Variants in ELF2 observed in about 807,000 individuals in gnomAD.
ELF2 encodes the protein E74 like ETS transcription factor 2.
In ELF2, 11 loss-of-function variants were observed where a neutral mutation model predicts 54.8. The ratio of observed to expected loss-of-function variants is 0.20; its 90% CI spans 0.13 to 0.33. The LOEUF is 0.33. ELF2 is among the 10% of genes least tolerant of loss of function. ELF2 has a pLI of 1.00. For missense variants in ELF2, 513 were observed against 703.0 expected, an observed-to-expected ratio of 0.73 and a Z score of 3.06; for synonymous variants, 203 against 245.1, an observed-to-expected ratio of 0.83 and a Z score of 1.61.
At position 139,151,905 on chromosome 4, in the gene ELF2, C is replaced by T. The variant is rs548041601; in HGVS notation, c.-251-12408G>A. On this transcript the variant is annotated intron_variant, in intron 1 of 9. Coordinates refer to ENST00000686138, the MANE Select transcript of ELF2 (RefSeq NM_001331036.3). ...ATTTAACTGCTTCTTAATACAAGTC[C>T]TAATTTGTGAGCAAGCTGTATCAGC... Among the ~76,000 whole-genome samples the T allele has an allele frequency of 2.5e-4, 38 of 152,236 alleles. No individual in the cohort carries two copies. In the South Asian group the frequency reaches 7.9e-3, roughly 32 times the overall value.
At chr4:139,163,545 G>C (rs1231565324) in intron 1 of ELF2, among the ~76,000 whole-genome samples, 2 of 152,170 alleles carry the variant, frequency 1.3e-5, no homozygotes, top group Non-Finnish European at 2.9e-5. Flanking sequence ...ATAGGACAAA[G>C]CTAAAGGACC....
chr4:139,156,041 C>T (rs192505383), intron 1 of ELF2, among the ~76,000 whole-genome samples: 38 of 152,338 alleles, frequency 2.5e-4, no homozygotes, highest in African/African-American at 8.9e-4. Context: ...ACTTGCCAAT[C>T]ATAAAAATAA....
At chr4:139,156,269 G>A (rs1161608374) in intron 1 of ELF2, among the ~76,000 whole-genome samples, 9 of 152,198 alleles carry the variant, frequency 5.9e-5, no homozygotes, top group African/African-American at 2.2e-4. Context: ...TCCGCCTCCC[G>A]GGTTCACGCC....
chr4:139,103,855 CAA>C (rs1445205042), intron 4 of ELF2, among the ~76,000 whole-genome samples: 8 of 152,162 alleles, frequency 5.3e-5, no homozygotes, highest in Non-Finnish European at 7.3e-5. Context: ...CATAGTGAGA[CAA>C]AGAGTTTGCT....
intron 3 of ELF2, among the ~76,000 whole-genome samples, chr4:139,136,275 G>A (rs965528276): frequency 6.6e-6 from 1 of 152,130 alleles, no homozygotes; most frequent in African/African-American, 2.4e-5. Flanking sequence ...CTTTGTACCT[G>A]TTTTGGATTT....
chr4:139,161,003 T>C (rs1741078967), intron 1 of ELF2, among the ~76,000 whole-genome samples: 1 of 152,128 alleles, frequency 6.6e-6, no homozygotes. Flanking sequence ...CTAAAATGAA[T>C]GCAGTAAGAT....
In ELF2 at chr4:139,125,212, G is replaced by T. The variant is rs1301195349; in HGVS notation, c.190C>A (p.Gln64Lys). 6.2e-7 allele frequency: 1 copy of T among 1,613,128 alleles called. No individual in the cohort carries two copies. Among genetic ancestry groups the T allele is most frequent in the East Asian group, 2.2e-5 (1 of 44,826 alleles). ...LVYDDETYMM[Q>K]DVAEEQEVET... ...ACTTCTTGTTCTTCTGCCACATCTT[G>T]CATCATATAAGTCTCATCATCATAA... The change falls in exon 4 of 10, where the codon CAA (glutamine) becomes AAA (lysine). Residue 64 changes from glutamine to lysine, a missense_variant. By Grantham distance (53) the Gln-to-Lys change is moderately conservative. Transcript: ENST00000686138.
chr4:139,129,842 AC>A (rs1269595496), intron 3 of ELF2, among the ~76,000 whole-genome samples: 2 of 151,942 alleles, frequency 1.3e-5, no homozygotes, highest in African/African-American at 4.8e-5. Context: ...AGCATTAATG[AC>A]TCCCCTTTGG....
intron 1 of ELF2, among the ~76,000 whole-genome samples, chr4:139,175,922 T>G (rs756716986): frequency 6.6e-6 from 1 of 152,224 alleles, no homozygotes; most frequent in Non-Finnish European, 1.5e-5. Flanking sequence ...GGAAAAAGAT[T>G]AGAAACTGTG....
chr4:139,116,308 A>C (rs1164464232), intron 4 of ELF2, among the ~76,000 whole-genome samples: 1 of 152,102 alleles, frequency 6.6e-6, no homozygotes, highest in Non-Finnish European at 1.5e-5. Flanking sequence ...GGAAAAAAAC[A>C]CTTATTAAAA....
At chr4:139,146,859 T>G (rs2148876241) in intron 1 of ELF2, among the ~76,000 whole-genome samples, 1 of 152,288 alleles carries the variant, frequency 6.6e-6, no homozygotes, top group Non-Finnish European at 1.5e-5. Flanking sequence ...GTCTCTCATC[T>G]TATACAAACA....
At position 139,112,094 on chromosome 4, in the gene ELF2, C is replaced by T. The variant is rs146651714; in HGVS notation, c.238+13070G>A. On this transcript the variant is annotated intron_variant, in intron 4 of 9. Coordinates refer to ENST00000686138, the MANE Select transcript of ELF2 (RefSeq NM_001331036.3). ...AGAAACAGATACAAAGCTTTAAAAG[C>T]CCTCAGCAATAAGATTTTTTTCTAT... is the stretch of plus-strand genomic sequence containing the variant. Among the ~76,000 whole-genome samples, 369 of 152,264 alleles carry T rather than the reference C, an allele frequency of 2.4e-3. 1 individual carries two copies. The highest frequency in any genetic ancestry group is 8.4e-3 in the African/African-American group (349 of 41,548).
At chr4:139,059,678 G>A (rs1386777470) in intron 9 of ELF2, 71 bp from the exon 10 acceptor site, 10 of 1,518,842 alleles carry the variant, frequency 6.6e-6, no homozygotes, top group Middle Eastern at 1.8e-4. Flanking sequence ...CTGAGTAAAA[G>A]ATTAATACAA....
rs541841414 is a variant in ELF2, at chr4:139,098,120, A to G, written c.239-24553T>C. ...TTTAAGTTTCTATTAGGTTAGGTACAATGTCCTATATATCTCCAATTTACG... is the reference window on the plus strand; with the variant it reads ...TTTAAGTTTCTATTAGGTTAGGTACGATGTCCTATATATCTCCAATTTACG... On this transcript the variant is annotated intron_variant, in intron 4 of 9. Transcript: ENST00000686138. Among the ~76,000 whole-genome samples the G allele has an allele frequency of 3.3e-5, 5 of 152,368 alleles. No homozygotes were observed. The East Asian group carries it at 9.6e-4, about 29-fold the overall frequency.
At chr4:139,155,540 T>C (rs776726429) in intron 1 of ELF2, 1 of 152,050 alleles carries the variant, frequency 6.6e-6, no homozygotes. Context: ...AGTCCAGGAG[T>C]TCGAGACTAA....
At chr4:139,100,953 T>C (rs1005109647) in intron 4 of ELF2, among the ~76,000 whole-genome samples, 3 of 152,174 alleles carry the variant, frequency 2.0e-5, no homozygotes, top group African/African-American at 7.2e-5. Flanking sequence ...CAGAGTGAAC[T>C]AGCCTAGTAG....
intron 4 of ELF2, among the ~76,000 whole-genome samples, chr4:139,096,250 T>G (rs147843844): frequency 0.011 from 1,750 of 152,354 alleles, 36 homozygotes; most frequent in African/African-American, 0.04. Context: ...TTCCCTCTTT[T>G]ACTATTCTTT....
At chr4:139,171,450 C>A (rs1276418904) in intron 1 of ELF2, among the ~76,000 whole-genome samples, 1 of 151,922 alleles carries the variant, frequency 6.6e-6, no homozygotes, top group Non-Finnish European at 1.5e-5. Flanking sequence ...TGCTCAAGGT[C>A]ATCGCCAAGG....
chr4:139,175,183 C>G (rs545782372), intron 1 of ELF2, among the ~76,000 whole-genome samples: 12 of 152,258 alleles, frequency 7.9e-5, no homozygotes, highest in African/African-American at 2.9e-4. Flanking sequence ...GGTAAAGCCA[C>G]TAACATTAGC....
Sources: allele counts gnomAD v4.1 joint callset (sites outside exome capture counted in the v4.1 genomes callset), GRCh38; gene constraint gnomAD v4.1.1; transcripts MANE v1.5; gene names NCBI Gene and HGNC (gene_info 2026-07-23, HGNC 2026-07-21).